Variants in PTPRN2 observed in about 807,000 individuals in gnomAD.
The protein encoded by PTPRN2 is protein tyrosine phosphatase receptor type N2.
In PTPRN2, 74 loss-of-function variants were observed where a neutral mutation model predicts 118.8. That is an observed-to-expected ratio of 0.62 (90% CI 0.52 to 0.76). PTPRN2 has a LOEUF of 0.76. PTPRN2 is among the 30% of genes least tolerant of loss of function. The pLI is 0.00. For missense variants in PTPRN2, 1,481 were observed against 1,394.4 expected (o/e 1.06, Z -0.99); for synonymous variants, 641 against 608.0 (o/e 1.05, Z -0.80).
At chr7:157,737,719 G>T (rs1200103278) in intron 12 of PTPRN2, among the ~76,000 whole-genome samples, 1 of 152,246 alleles carries the variant, frequency 6.6e-6, no homozygotes, top group Non-Finnish European at 1.5e-5. Context: ...AAGGGCCCTG[G>T]TCCTCGGGAG....
intron 2 of PTPRN2, among the ~76,000 whole-genome samples, chr7:158,452,846 CAA>C (rs1413667335): frequency 6.6e-6 from 1 of 152,214 alleles, no homozygotes; most frequent in Non-Finnish European, 1.5e-5. Flanking sequence ...TGGAACTGCA[CAA>C]AGAGTCTTCT....
In PTPRN2 at chr7:157,656,511, C is replaced by T. The variant is rs1316063235; in HGVS notation, c.2042G>A (p.Arg681Gln). The T allele has an allele frequency of 1.9e-6, 3 of 1,551,676 alleles. No homozygotes were observed. The highest frequency in any genetic ancestry group is 2.4e-5 in the East Asian group (1 of 41,694). ...GCGTGACGTGTGCGGGCCCTCAGGT[C>T]GGTCTGGTGGCCGCGTGGCCATACG... The part of the protein sequence containing the change: ...RQRMATRPPD[R>Q]PEGPHTSRIS... Residue 681 changes from arginine (R) to glutamine (Q), a missense_variant, in exon 14 of 23, where the codon CGA becomes CAA. Around this residue, in one of 3 missense-constraint regions of PTPRN2, gnomAD observed 1,115 missense variants for 994.2 expected, o/e 1.12. Coordinates refer to ENST00000389418, the MANE Select transcript of PTPRN2 (RefSeq NM_002847.5).
intron 2 of PTPRN2, among the ~76,000 whole-genome samples, chr7:158,374,197 CAGCAGTGA>C (rs537915146): frequency 2.6e-5 from 4 of 152,286 alleles, no homozygotes; most frequent in Middle Eastern, 3.4e-3. Context: ...TGGGTCCAAG[CAGCAGTGA>C]AGGGGAAGAG....
chr7:158,237,951 A>G (rs1795640531), intron 3 of PTPRN2, among the ~76,000 whole-genome samples: 1 of 152,122 alleles, frequency 6.6e-6, no homozygotes, highest in South Asian at 2.1e-4. Context: ...TGCCATGGAG[A>G]TACACACAGG....
intron 12 of PTPRN2, among the ~76,000 whole-genome samples, chr7:157,832,495 C>T (rs548551585): frequency 2.0e-5 from 3 of 152,270 alleles, no homozygotes; most frequent in East Asian, 3.9e-4. Flanking sequence ...CACAGGATTC[C>T]TAAGTTTCAC....
chr7:158,299,516 G>A (rs533179878), intron 3 of PTPRN2, among the ~76,000 whole-genome samples: 6 of 152,136 alleles, frequency 3.9e-5, no homozygotes, highest in South Asian at 2.1e-4. Flanking sequence ...CAGGCTGGTC[G>A]TAAACTCCTG....
intron 2 of PTPRN2, among the ~76,000 whole-genome samples, chr7:158,462,069 T>TCCGCCCGCGTGAC (rs1554509795): frequency 3.1e-5 from 3 of 96,668 alleles, no homozygotes; most frequent in Non-Finnish European, 4.7e-5. Flanking sequence ...CCCCTGTGCT[T>TCCGCCCGCGTGAC]CCGCCCACGC....
intron 4 of PTPRN2, among the ~76,000 whole-genome samples, chr7:158,201,981 T>A (rs1294451465): frequency 6.6e-6 from 1 of 152,138 alleles, no homozygotes; most frequent in African/African-American, 2.4e-5. Context: ...TCAGAATACA[T>A]CTCTAAAAAT....
At chr7:157,612,436 C>T (rs1802417951) in intron 15 of PTPRN2, among the ~76,000 whole-genome samples, 1 of 152,182 alleles carries the variant, frequency 6.6e-6, no homozygotes, top group African/African-American at 2.4e-5. Context: ...GGCTGGGGGG[C>T]GCCTCCAAGG....
intron 2 of PTPRN2, among the ~76,000 whole-genome samples, chr7:158,328,872 A>G (rs377616040): frequency 2.9e-5 from 4 of 138,928 alleles, no homozygotes; most frequent in South Asian, 2.4e-4. Context: ...CTGAGCGACA[A>G]GCGGGACCTC....
rs1156547864 is a variant in PTPRN2, at chr7:157,551,204, G to A, written c.2903-2185C>T. Among the ~76,000 whole-genome samples, 3 of 152,092 alleles carry A rather than the reference G, an allele frequency of 2.0e-5. No homozygotes were observed. The East Asian group carries it at 5.8e-4, about 29-fold the overall frequency. Reference sequence around the variant, plus strand: ...TCTCAGTGTCACTGCACAAACATTCGTGCTTGAGCCAAAACAACTCAGAAA... The same window carrying A: ...TCTCAGTGTCACTGCACAAACATTCATGCTTGAGCCAAAACAACTCAGAAA... On this transcript the variant is annotated intron_variant, in intron 21 of 22. Coordinates refer to ENST00000389418, the MANE Select transcript of PTPRN2 (RefSeq NM_002847.5).
At chr7:158,404,447 C>A (rs898052448) in intron 2 of PTPRN2, among the ~76,000 whole-genome samples, 2 of 152,172 alleles carry the variant, frequency 1.3e-5, no homozygotes, top group Admixed American at 6.5e-5. Flanking sequence ...CCGGGGCAGG[C>A]GCTGAGGCCA....
chr7:158,205,402 T>C, intron 3 of PTPRN2, 129 bp from the exon 4 acceptor site: 1 of 654,636 alleles, frequency 1.5e-6, no homozygotes, highest in South Asian at 1.9e-5. Context: ...AGCCTCCCTC[T>C]CACTGCAGTT....
intron 12 of PTPRN2, among the ~76,000 whole-genome samples, chr7:157,772,009 TACAC>T (rs915850317): frequency 7.8e-6 from 1 of 128,904 alleles, no homozygotes; most frequent in Non-Finnish European, 1.6e-5. Context: ...CACAGATACA[TACAC>T]AGACACACGC....
At chr7:158,013,635 C>T (rs1806204157) in intron 11 of PTPRN2, among the ~76,000 whole-genome samples, 1 of 152,058 alleles carries the variant, frequency 6.6e-6, no homozygotes, top group Non-Finnish European at 1.5e-5. Context: ...TCTATCAATC[C>T]ATCTATCATC....
rs181616879 is a variant in PTPRN2 at position 157,893,369 on chromosome 7, C to T, written c.1788+5304G>A. 6.6e-6 allele frequency among the ~76,000 whole-genome samples: 1 copy of T among 152,306 alleles called. No individual in the cohort carries two copies. The highest frequency in any genetic ancestry group is 1.9e-4 in the East Asian group (1 of 5,176). On this transcript the variant is annotated intron_variant, in intron 12 of 22. Coordinates refer to ENST00000389418, the MANE Select transcript of PTPRN2 (RefSeq NM_002847.5). This position sits in a 1 kb window ranked among gnomAD's most constrained non-coding sequence, Gnocchi z 4.0. Reference sequence around the variant, plus strand: ...TGAGCTCCTGCCTCTGCCCTCAGCCCCCACGGTCCCCCGCAGTCTAGGGAG... The same window carrying T: ...TGAGCTCCTGCCTCTGCCCTCAGCCTCCACGGTCCCCCGCAGTCTAGGGAG...
Position 158,192,369 on chromosome 7 carries a change from C to T in PTPRN2, c.507G>A (p.Val169=), listed in dbSNP as rs1051504230. 2 of 1,523,130 alleles carry T rather than the reference C, an allele frequency of 1.3e-6. No individual in the cohort carries two copies. The highest frequency in any genetic ancestry group is 1.7e-6 in the Non-Finnish European group (2 of 1,147,514). 94.4% of individuals were successfully genotyped at this position (1,523,130 alleles called of 1,614,324 possible). The part of the protein sequence containing the change: ...EALSQAPASD[V]LARTHTAQDR... Reference sequence around the variant, plus strand: ...CCTGCGCCGTATGGGTCCTGGCGAGCACGTCTGAGGCTGGGGCCTGGGACA... The same window carrying T: ...CCTGCGCCGTATGGGTCCTGGCGAGTACGTCTGAGGCTGGGGCCTGGGACA... Residue 169 remains valine (V), a synonymous_variant, in exon 5 of 23, where the codon GTG becomes GTA. Transcript: ENST00000389418.
rs1324445327 is a variant in PTPRN2, at chr7:158,332,624, C to G, written c.164-15692G>C. On this transcript the variant is annotated intron_variant, in intron 2 of 22. Transcript: ENST00000389418. ...TAAGAAGTGACACCTGCAGATGTCACTCACACCCACACTGTCACCATAAGA... is the reference window on the plus strand; with the variant it reads ...TAAGAAGTGACACCTGCAGATGTCAGTCACACCCACACTGTCACCATAAGA... Among the ~76,000 whole-genome samples, 4 of 151,232 alleles carry G rather than the reference C, an allele frequency of 2.6e-5. No homozygotes were observed. The East Asian group carries it at 5.9e-4, about 22-fold the overall frequency.
At chr7:158,071,534 G>GC (rs1811664708) in intron 11 of PTPRN2, among the ~76,000 whole-genome samples, 2 of 123,692 alleles carry the variant, frequency 1.6e-5, no homozygotes, top group African/African-American at 3.3e-5. Flanking sequence ...AGATGCTCGT[G>GC]ATGATGGAGG....
Sources: gnomAD v4.1 joint callset for allele counts (sites outside exome capture counted in the v4.1 genomes callset) on GRCh38, gnomAD v4.1.1 for gene constraint, gnomAD v4.1.1 regional missense constraint, Gnocchi (gnomAD v3.1) non-coding constraint, MANE v1.5 for transcripts, NCBI Gene and HGNC (gene_info 2026-07-23, HGNC 2026-07-21) for gene names.